Variants in NPM1 observed in about 807,000 individuals in gnomAD.
NPM1 encodes nucleophosmin 1, also known as nucleophosmin.
NPM1 carries 1 observed loss-of-function variant against 44.1 expected under a neutral mutation model. That is an observed-to-expected ratio of 0.02 (90% CI 0.01 to 0.11). The LOEUF is 0.11. Ranked by LOEUF, NPM1 falls within the 10% of genes least tolerant of loss-of-function variation. The pLI is 1.00. For synonymous variants in NPM1, 126 were observed against 111.8 expected (o/e 1.13, Z -0.80); for missense variants, 197 against 347.8 (o/e 0.57, Z 3.45).
upstream of NPM1, chr5:171,387,819 G>GTC: frequency 1.2e-6 from 1 of 839,274 alleles, no homozygotes; most frequent in Non-Finnish European, 2.0e-6. Context: ...GATCTTCAGG[G>GTC]TCTATATATA....
At chr5:171,395,947 T>TCTTAA (rs952771316) in intron 6 of NPM1, among the ~76,000 whole-genome samples, 2 of 149,928 alleles carry the variant, frequency 1.3e-5, no homozygotes, top group African/African-American at 2.5e-5. Flanking sequence ...TTGGGGAATT[T>TCTTAA]CTTAAGTAAA....
chr5:171,405,618 C>G (rs927298481), intron 9 of NPM1: 3 of 537,154 alleles, frequency 5.6e-6, no homozygotes, highest in Non-Finnish European at 9.9e-6. Flanking sequence ...GCCTTATTTT[C>G]CATTATGCAA....
chr5:171,400,324 C>CTGAGGGAGATCATCTCATAA, intron 7 of NPM1, 114 bp downstream of exon 7: 2 of 1,226,906 alleles, frequency 1.6e-6, no homozygotes, highest in Non-Finnish European at 2.3e-6. Context: ...TCATCTCATA[C>CTGAGGGAGATCATCTCATAA]TGAAAATTAG....
At chr5:171,401,747 G>GA in intron 8 of NPM1, among the ~76,000 whole-genome samples, 1 of 152,236 alleles carries the variant, frequency 6.6e-6, no homozygotes. Flanking sequence ...TTGTGATTGT[G>GA]AAGTCAATAG....
chr5:171,401,061 A>G (rs1012480611), intron 8 of NPM1, 136 bp downstream of exon 8: 2 of 638,740 alleles, frequency 3.1e-6, no homozygotes, highest in Admixed American at 5.1e-5. Context: ...AGTTAAAATC[A>G]GCTTGCTGCA....
intron 6 of NPM1, among the ~76,000 whole-genome samples, chr5:171,395,771 G>A (rs1770849046): frequency 6.6e-6 from 1 of 152,122 alleles, no homozygotes; most frequent in Admixed American, 6.6e-5. Context: ...AGATCAAAGG[G>A]GAATTTGGTT....
chr5:171,388,268 A>G (rs992926035), intron 1 of NPM1, among the ~76,000 whole-genome samples: 2 of 152,092 alleles, frequency 1.3e-5, no homozygotes, highest in African/African-American at 4.8e-5. Context: ...GGCCTGAGGT[A>G]AAGTGGAACC....
intron 3 of NPM1, 138 bp from the exon 4 acceptor site, chr5:171,391,568 T>G: frequency 8.5e-7 from 1 of 1,175,356 alleles, no homozygotes; most frequent in Non-Finnish European, 1.2e-6. Flanking sequence ...CTCTTGAACA[T>G]GGGGGCTTCT....
intron 6 of NPM1, among the ~76,000 whole-genome samples, chr5:171,397,804 T>C (rs1297443965): frequency 6.9e-6 from 1 of 144,112 alleles, no homozygotes; most frequent in African/African-American, 2.7e-5. Context: ...CAAGAATTCT[T>C]TTTTTTTTTT....
chr5:171,393,057 G>A, intron 6 of NPM1, 79 bp downstream of exon 6: 1 of 1,509,928 alleles, frequency 6.6e-7, no homozygotes, highest in Non-Finnish European at 8.9e-7. Flanking sequence ...TATGCATGAG[G>A]GTTTTATAAA....
intron 4 of NPM1, 124 bp from the exon 5 acceptor site, chr5:171,392,586 C>T (rs1440899217): frequency 8.9e-6 from 4 of 451,252 alleles, no homozygotes; most frequent in African/African-American, 2.2e-5. Flanking sequence ...CCCATGTGCT[C>T]TTTTTTTTTT....
chr5:171,396,845 C>T (rs559574905), intron 6 of NPM1, among the ~76,000 whole-genome samples: 9 of 152,200 alleles, frequency 5.9e-5, no homozygotes, highest in Non-Finnish European at 1.0e-4. Context: ...TGATGGTGGG[C>T]GCTTGCAATC....
At chr5:171,401,057 A>G in intron 8 of NPM1, 132 bp downstream of exon 8, 1 of 657,458 alleles carries the variant, frequency 1.5e-6, no homozygotes, top group South Asian at 1.8e-5. Flanking sequence ...TAAAAGTTAA[A>G]ATCAGCTTGC....
At chr5:171,388,441 T>G (rs1021570507) in intron 1 of NPM1, among the ~76,000 whole-genome samples, 4 of 151,816 alleles carry the variant, frequency 2.6e-5, no homozygotes, top group Admixed American at 2.6e-4. Flanking sequence ...TTGGAGCGGG[T>G]AGATGCACAG....
At chr5:171,400,960 T>C in intron 8 of NPM1, 35 bp downstream of exon 8, 1 of 1,386,526 alleles carries the variant, frequency 7.2e-7, no homozygotes, top group Non-Finnish European at 1.0e-6. Context: ...GTCTCATTGA[T>C]CTAGTTGGGG....
At chr5:171,397,947 A>C (rs1770997749) in intron 6 of NPM1, among the ~76,000 whole-genome samples, 1 of 142,114 alleles carries the variant, frequency 7.0e-6, no homozygotes. Flanking sequence ...CCCCCCCACC[A>C]CGCCCGGCTA....
chr5:171,391,289 T>A lies in NPM1; in HGVS notation c.139-16T>A, dbSNP rs1770565755. 6.2e-7 allele frequency: 1 copy of A among 1,602,864 alleles called. No homozygotes were observed. The highest frequency in any genetic ancestry group is 8.5e-7 in the Non-Finnish European group (1 of 1,175,286). On this transcript the variant is annotated splice_polypyrimidine_tract_variant and intron_variant, in intron 2 of 10. Transcript: ENST00000296930. ...GGAACTCAAAAGTTGAAGTAGTATT[T>A]TTTTTTTGTTCACAGGTCAGTTTAG... is the stretch of plus-strand genomic sequence containing the variant.
intron 9 of NPM1, chr5:171,406,628 G>C: frequency 7.5e-7 from 1 of 1,335,614 alleles, no homozygotes; most frequent in Non-Finnish European, 9.6e-7. Context: ...AGTGAACCTT[G>C]CCCTTTGCTT....
chr5:171,394,029 T>A (rs1368338236), intron 6 of NPM1, among the ~76,000 whole-genome samples: 1 of 143,346 alleles, frequency 7.0e-6, no homozygotes, highest in Non-Finnish European at 1.5e-5. Context: ...TGACTGTTGC[T>A]GTTTTTGTTT....
Sources: gnomAD v4.1 joint callset for allele counts (sites outside exome capture counted in the v4.1 genomes callset) on GRCh38, gnomAD v4.1.1 for gene constraint, MANE v1.5 for transcripts, NCBI Gene and HGNC (gene_info 2026-07-23, HGNC 2026-07-21) for gene names.